Variants in NRCAM observed in about 807,000 individuals in gnomAD.
NRCAM encodes the protein NgCAM-related cell adhesion molecule.
NRCAM carries 83 observed loss-of-function variants against 156.5 expected under a neutral mutation model. The observed-to-expected ratio is 0.53, with a 90% CI of 0.44 to 0.64. The LOEUF is 0.64. Ranked by LOEUF, NRCAM falls within the 30% of genes least tolerant of loss-of-function variation. NRCAM has a pLI of 0.00. For missense variants in NRCAM, 1,417 were observed against 1,597.3 expected (o/e 0.89, Z 1.92); for synonymous variants, 538 against 563.9 (o/e 0.95, Z 0.65).
intron 3 of NRCAM, among the ~76,000 whole-genome samples, chr7:108,287,516 AAAG>A (rs1241084848): frequency 1.3e-5 from 2 of 152,102 alleles, no homozygotes; most frequent in Non-Finnish European, 2.9e-5. Context: ...AAAAGTGGGG[AAAG>A]AAGACGAATA....
At chr7:108,233,260 T>C (rs2153746047) in intron 6 of NRCAM, among the ~76,000 whole-genome samples, 1 of 152,276 alleles carries the variant, frequency 6.6e-6, no homozygotes, top group African/African-American at 2.4e-5. Flanking sequence ...ATGGCCATGC[T>C]CATACAAAGG....
intron 32 of NRCAM, among the ~76,000 whole-genome samples, chr7:108,152,783 T>G (rs1440376804): frequency 6.6e-6 from 1 of 152,072 alleles, no homozygotes; most frequent in African/African-American, 2.4e-5. Flanking sequence ...CTCTGCTCTA[T>G]AGAGTCAGGG....
At position 108,320,073 on chromosome 7, in the gene NRCAM, T is replaced by C. The variant is rs1196614781; in HGVS notation, c.-173-7342A>G. Among the ~76,000 whole-genome samples the C allele has an allele frequency of 2.0e-5, 3 of 152,362 alleles. No homozygotes were observed. The East Asian group carries it at 5.8e-4, about 29-fold the overall frequency. On this transcript the variant is annotated intron_variant, in intron 2 of 32. Transcript: ENST00000379028. ...TACAGTTATAAAAAAACACTTTTGATAGTGTTTAATATACCAAAGATTTAT... is the reference window on the plus strand; with the variant it reads ...TACAGTTATAAAAAAACACTTTTGACAGTGTTTAATATACCAAAGATTTAT...
In NRCAM at chr7:108,232,536, G is replaced by A. The variant is rs117302672; in HGVS notation, c.231-14C>T. ...GTCCAGGAAAAGCTGCCCAACACAC[G>A]AAGTGTTAAGTGTATTAATGGTCCA... is the stretch of plus-strand genomic sequence containing the variant. On this transcript the variant is annotated splice_polypyrimidine_tract_variant and intron_variant, in intron 6 of 32. Coordinates refer to ENST00000379028, the MANE Select transcript of NRCAM (RefSeq NM_001037132.4). 9.4e-6 allele frequency: 15 copies of A among 1,594,936 alleles called. No individual in the cohort carries two copies. Among genetic ancestry groups the A allele is most frequent in the East Asian group, 6.7e-5 (3 of 44,580 alleles).
intron 7 of NRCAM, among the ~76,000 whole-genome samples, 192 bp downstream of exon 7, chr7:108,232,134 T>C (rs961413919): frequency 6.6e-6 from 1 of 152,076 alleles, no homozygotes; most frequent in African/African-American, 2.4e-5. Context: ...ATATATTGGA[T>C]TGGTAAAGCA....
chr7:108,324,610 G>A (rs927972392), intron 2 of NRCAM, among the ~76,000 whole-genome samples: 2 of 152,150 alleles, frequency 1.3e-5, no homozygotes, highest in African/African-American at 4.8e-5. Context: ...AATGGATGAA[G>A]GCCACATGGA....
chr7:108,157,787 G>A (rs2046435231), intron 32 of NRCAM, among the ~76,000 whole-genome samples: 1 of 152,126 alleles, frequency 6.6e-6, no homozygotes. Context: ...CCCAGGTGGT[G>A]AGTAGTATGT....
chr7:108,315,010 C>A (rs1009421803), intron 2 of NRCAM, among the ~76,000 whole-genome samples: 1 of 146,886 alleles, frequency 6.8e-6, no homozygotes, highest in African/African-American at 2.7e-5. Flanking sequence ...TGCCCCCACC[C>A]CCCCAACAAC....
At chr7:108,418,589 A>G (rs1216246775) in intron 1 of NRCAM, among the ~76,000 whole-genome samples, 1 of 151,376 alleles carries the variant, frequency 6.6e-6, no homozygotes, top group Non-Finnish European at 1.5e-5. Context: ...ACACACACAC[A>G]CACACACACA....
intron 26 of NRCAM, among the ~76,000 whole-genome samples, chr7:108,177,408 G>A (rs951459827): frequency 6.6e-6 from 1 of 152,088 alleles, no homozygotes; most frequent in Non-Finnish European, 1.5e-5. Flanking sequence ...CAGATCACGA[G>A]GTCAGGAGAT....
intron 4 of NRCAM, 46 bp from the exon 5 acceptor site, chr7:108,237,815 A>G: frequency 6.7e-7 from 1 of 1,490,722 alleles, no homozygotes; most frequent in South Asian, 1.3e-5. Context: ...AAGAGGATTA[A>G]AGAAAATCAG....
At chr7:108,220,829 A>G (rs1393256229) in intron 11 of NRCAM, among the ~76,000 whole-genome samples, 1 of 152,216 alleles carries the variant, frequency 6.6e-6, no homozygotes, top group East Asian at 1.9e-4. Flanking sequence ...AAATGCAATA[A>G]AAACAAAGAT....
chr7:108,335,535 A>G lies in NRCAM; in HGVS notation c.-173-22804T>C, dbSNP rs1445806643. Among the ~76,000 whole-genome samples, 8 of 140,204 alleles carry G rather than the reference A, an allele frequency of 5.7e-5. No individual in the cohort carries two copies. The Admixed American group carries it at 6.4e-4, about 11-fold the overall frequency. The allele number at this position is 140,204 out of a possible 152,430, so 92.0% of individuals were successfully genotyped here. A position where few individuals can be genotyped will look rare whatever the true frequency, so the allele number is the denominator to read the frequency against. On this transcript the variant is annotated intron_variant, in intron 2 of 32. Coordinates refer to ENST00000379028, the MANE Select transcript of NRCAM (RefSeq NM_001037132.4). ...GAGAGTAATTTGAAGAATGCTTGGG[A>G]GATCTCAGATTCAACTATTTTGATC...
chr7:108,155,087 C>CATATATATATATATAT (rs148453642), intron 32 of NRCAM, among the ~76,000 whole-genome samples: 17 of 114,118 alleles, frequency 1.5e-4, no homozygotes, highest in South Asian at 3.5e-4. Flanking sequence ...ATTTAAAAGT[C>CATATATATATATATAT]ATATATATAT....
chr7:108,178,047 C>G lies in NRCAM; in HGVS notation c.2917G>C (p.Asp973His). The stretch of plus-strand genomic sequence containing the variant: ...ATGCCATTCGGGTGGCTCGGTGGAT[C>G]CCATTCCAAAGTGAGAGAGTCCAGT... ...PTLDSLTLEW[D>H]PPSHPNGILT... Residue 973 changes from aspartate to histidine, a missense_variant, in exon 26 of 33, where the codon GAT becomes CAT. Coordinates refer to ENST00000379028, the MANE Select transcript of NRCAM (RefSeq NM_001037132.4). The G allele has an allele frequency of 6.2e-7, 1 of 1,613,536 alleles. No homozygotes were observed. Among genetic ancestry groups the G allele is most frequent in the Non-Finnish European group, 8.5e-7 (1 of 1,179,598 alleles).
intron 2 of NRCAM, among the ~76,000 whole-genome samples, chr7:108,340,210 C>G (rs1249102882): frequency 6.6e-6 from 1 of 152,148 alleles, no homozygotes; most frequent in Non-Finnish European, 1.5e-5. Flanking sequence ...AGGAGATAGA[C>G]AAAGGGGTAA....
intron 11 of NRCAM, among the ~76,000 whole-genome samples, chr7:108,215,085 G>A (rs1471311660): frequency 6.6e-6 from 1 of 152,150 alleles, no homozygotes; most frequent in Non-Finnish European, 1.5e-5. Context: ...ATTTGGGGTG[G>A]AGAGTTCTGT....
At chr7:108,383,138 T>A (rs10626358) in intron 2 of NRCAM, among the ~76,000 whole-genome samples, 20 of 113,704 alleles carry the variant, frequency 1.8e-4, no homozygotes, top group Admixed American at 6.8e-4. Flanking sequence ...ACACACGCTC[T>A]CACACACACA....
chr7:108,167,691 G>A (rs1045229907), intron 29 of NRCAM, among the ~76,000 whole-genome samples: 2 of 152,154 alleles, frequency 1.3e-5, no homozygotes, highest in Non-Finnish European at 2.9e-5. Context: ...CACTTAGGAG[G>A]GGGGTACTGG....
Sources: allele counts gnomAD v4.1 joint callset (sites outside exome capture counted in the v4.1 genomes callset), GRCh38; gene constraint gnomAD v4.1.1; transcripts MANE v1.5; gene names NCBI Gene and HGNC (gene_info 2026-07-23, HGNC 2026-07-21).